Variants in CTSD observed in about 807,000 individuals in gnomAD.
The protein encoded by CTSD is cathepsin D.
A neutral mutation model predicts 43.6 loss-of-function variants in CTSD; 28 were observed. The ratio of observed to expected loss-of-function variants is 0.64; its 90% CI spans 0.48 to 0.88. The LOEUF is 0.88. CTSD is among the 40% of genes least tolerant of loss of function. The probability of loss-of-function intolerance (pLI) is 0.00; values close to 1 mark genes in which losing one functional copy is unlikely to be tolerated. For missense variants in CTSD, 485 were observed against 555.2 expected, an observed-to-expected ratio of 0.87 and a Z score of 1.27; for synonymous variants, 270 against 249.8, an observed-to-expected ratio of 1.08 and a Z score of -0.76.
chr11:1,754,500 GGGGATGGAGGGATGGA>G (rs1293409262), intron 6 of CTSD, among the ~76,000 whole-genome samples: 1 of 121,016 alleles, frequency 8.3e-6, no homozygotes, highest in African/African-American at 3.4e-5. Context: ...AGAGGGATGT[GGGGATGGAGGGATGGA>G]GGGATGGAGG....
At chr11:1,754,847 T>C in intron 6 of CTSD, 59 bp downstream of exon 6, 1 of 1,610,720 alleles carries the variant, frequency 6.2e-7, no homozygotes, top group South Asian at 1.1e-5. Context: ...TCCTCCAGGG[T>C]CTCCGCACAC....
chr11:1,754,548 G>C (rs1400537655), intron 6 of CTSD, among the ~76,000 whole-genome samples: 1 of 136,360 alleles, frequency 7.3e-6, no homozygotes, highest in African/African-American at 2.8e-5. Flanking sequence ...TGGAGGGATG[G>C]AGGGGATGGA....
chr11:1,758,527 C>T (rs1845836332), intron 4 of CTSD, among the ~76,000 whole-genome samples: 1 of 152,110 alleles, frequency 6.6e-6, no homozygotes, highest in South Asian at 2.1e-4. Flanking sequence ...CTTGCCCTCC[C>T]AGGCTCCTGC....
chr11:1,753,573 A>G lies in CTSD; in HGVS notation c.1169T>C (p.Ile390Thr). Reference protein sequence around the residue: ...GPLWILGDVFIGRYYTVFDRD... With the variant: ...GPLWILGDVFTGRYYTVFDRD... ...GTCAAACACAGTGTAGTAGCGGCCG[A>G]TGAAGACGTCGCCCAGGATCCAGAG... Residue 390 changes from isoleucine (I) to threonine (T), a missense_variant, in exon 9 of 9, where the codon ATC becomes ACC. Coordinates refer to ENST00000236671, the MANE Select transcript of CTSD (RefSeq NM_001909.5). The G allele has an allele frequency of 6.2e-7, 1 of 1,613,050 alleles. No individual in the cohort carries two copies. The highest frequency in any genetic ancestry group is 1.3e-5 in the African/African-American group (1 of 75,002).
At position 1,761,191 on chromosome 11, in the gene CTSD, C is replaced by T. The variant is rs1046535784; in HGVS notation, c.228+118G>A. 64 of 1,147,956 alleles carry T rather than the reference C, an allele frequency of 5.6e-5. No homozygotes were observed. In the South Asian group the frequency reaches 7.4e-4, roughly 13 times the overall value. The allele number at this position is 1,147,956 out of a possible 1,614,324, so 71.1% of individuals were successfully genotyped here. On this transcript the variant is annotated intron_variant, in intron 2 of 8. Transcript: ENST00000236671. ...TGGCTGAGCCGGGACGCCACCGTGG[C>T]CAGGTGAGCCACTCAAACTGCGCTG...
intron 1 of CTSD, 133 bp from the exon 2 acceptor site, chr11:1,761,601 T>A: frequency 1.0e-6 from 1 of 976,050 alleles, no homozygotes. Context: ...CTCCTGCCTG[T>A]CACCTGGAAA....
intron 2 of CTSD, chr11:1,760,599 G>A (rs947589609): frequency 2.6e-5 from 4 of 152,792 alleles, no homozygotes; most frequent in Non-Finnish European, 4.4e-5. Context: ...GCTTGCTCGC[G>A]CGCTAGGACA....
chr11:1,763,827 G>T lies in CTSD; in HGVS notation c.33C>A (p.Leu11=). ...CGGAGGCGGGTGCAGCCAGCAGGCA[G>T]AGGGCGAGCGGCAGAAGGCTGGAGG... MQPSSLLPLA[L]CLLAAPASAL... Residue 11 remains leucine (L), a synonymous_variant, in exon 1 of 9, where the codon CTC becomes CTA. Coordinates refer to ENST00000236671, the MANE Select transcript of CTSD (RefSeq NM_001909.5). 6.5e-7 allele frequency: 1 copy of T among 1,528,468 alleles called. No homozygotes were observed. The allele number at this position is 1,528,468 out of a possible 1,614,324, so 94.7% of individuals were successfully genotyped here.
At chr11:1,757,251 G>A in intron 5 of CTSD, 73 bp downstream of exon 5, 2 of 1,236,232 alleles carry the variant, frequency 1.6e-6, no homozygotes, top group Non-Finnish European at 1.2e-6. Flanking sequence ...GAGAGGGGGT[G>A]CCTAGAAGGC....
chr11:1,763,727 C>T, intron 1 of CTSD, 65 bp downstream of exon 1: 1 of 1,426,002 alleles, frequency 7.0e-7, no homozygotes, highest in Admixed American at 2.2e-5. Context: ...AAAGTCACCA[C>T]AGGCCCCGGG....
At chr11:1,758,893 C>T (rs1845840692) in intron 4 of CTSD, 76 bp downstream of exon 4, 9 of 1,119,580 alleles carry the variant, frequency 8.0e-6, no homozygotes, top group African/African-American at 1.5e-5. Context: ...CCCTCCCTTT[C>T]AACCACATAC....
Position 1,759,095 on chromosome 11 carries a change from G to C in CTSD, c.353-8C>G, listed in dbSNP as rs760934292. 6 of 1,595,684 alleles carry C rather than the reference G, an allele frequency of 3.8e-6. No individual in the cohort carries two copies. Among genetic ancestry groups the C allele is most frequent in the Non-Finnish European group, 5.2e-6 (6 of 1,163,414 alleles). On this transcript the variant is annotated splice_polypyrimidine_tract_variant and splice_region_variant and intron_variant, in intron 3 of 8. Transcript: ENST00000236671. ...TGTACTTGTGGTGGATCCCTGCCCC[G>C]GGCGACAAGGGGGCCCGCCGGTCAT...
chr11:1,761,283 C>T lies in CTSD; in HGVS notation c.228+26G>A, dbSNP rs374804014. ...GCTCTCCTGACAGTGGCTCCGCTTG[C>T]AGCAGGGCTAAGACCTCATACTCAC... On this transcript the variant is annotated intron_variant, in intron 2 of 8. Transcript: ENST00000236671. 3.7e-6 allele frequency: 6 copies of T among 1,612,950 alleles called. No homozygotes were observed. The African/African-American group carries it at 8.0e-5, about 22-fold the overall frequency.
At chr11:1,763,612 G>A (rs1349101132) in intron 1 of CTSD, 180 bp downstream of exon 1, 4 of 557,678 alleles carry the variant, frequency 7.2e-6, no homozygotes, top group African/African-American at 2.0e-5. Context: ...TCCGGAGCCC[G>A]GCGCCCCGTA....
rs564428781 is a variant in CTSD, at chr11:1,761,182, C to T, written c.228+127G>A. The T allele has an allele frequency of 8.8e-6, 9 of 1,023,170 alleles. No homozygotes were observed. The East Asian group carries it at 2.2e-4, about 25-fold the overall frequency. 63.4% of individuals were successfully genotyped at this position (1,023,170 alleles called of 1,614,324 possible). A position where few individuals can be genotyped will look rare whatever the true frequency, so the allele number is the denominator to read the frequency against. On this transcript the variant is annotated intron_variant, in intron 2 of 8. Transcript: ENST00000236671. ...AAAGGAGTGTGGCTGAGCCGGGACG[C>T]CACCGTGGCCAGGTGAGCCACTCAA...
chr11:1,763,463 T>C, intron 1 of CTSD: 1 of 351,038 alleles, frequency 2.8e-6, no homozygotes. Flanking sequence ...CAATTCCACC[T>C]GCCCCGAATG....
At chr11:1,760,796 C>T (rs1025058160) in intron 2 of CTSD, 14 of 197,842 alleles carry the variant, frequency 7.1e-5, no homozygotes, top group Non-Finnish European at 4.3e-5. Flanking sequence ...GCCCTGGCCT[C>T]GAACTGACCC....
At chr11:1,754,413 A>G (rs1245982732) in intron 6 of CTSD, among the ~76,000 whole-genome samples, 3 of 86,626 alleles carry the variant, frequency 3.5e-5, no homozygotes, top group Non-Finnish European at 7.6e-5. Context: ...GAGGGGATGA[A>G]GGGATGGAGG....
At chr11:1,755,184 G>A (rs541495124) in intron 5 of CTSD, 156 bp from the exon 6 acceptor site, 2 of 872,764 alleles carry the variant, frequency 2.3e-6, no homozygotes, top group Non-Finnish European at 3.7e-6. Flanking sequence ...AAGGCAGGAG[G>A]AGGGACAGAC....
Sources: allele counts gnomAD v4.1 joint callset (sites outside exome capture counted in the v4.1 genomes callset), GRCh38; gene constraint gnomAD v4.1.1; transcripts MANE v1.5; gene names NCBI Gene and HGNC (gene_info 2026-07-23, HGNC 2026-07-21).